The following MEI4 variants were observed in gnomAD, a reference collection of about 807,000 sequenced individuals.
The protein encoded by MEI4 is meiotic double-stranded break formation protein 4, also known as meiosis-specific protein MEI4.
Under a neutral mutation model 31.4 loss-of-function variants are expected in MEI4, and 27 were observed. The ratio of observed to expected loss-of-function variants is 0.86; its 90% CI spans 0.63 to 1.19. The LOEUF (loss-of-function observed/expected upper bound fraction) is 1.19. MEI4 is among the 50% of genes most tolerant of loss of function. The pLI is 0.00. For missense variants in MEI4, 329 were observed against 398.9 expected (o/e 0.82, Z 1.49); for synonymous variants, 122 against 145.4 (o/e 0.84, Z 1.16).
intron 2 of MEI4, among the ~76,000 whole-genome samples, chr6:77,743,566 A>G (rs1767482565): frequency 6.6e-6 from 1 of 152,144 alleles, no homozygotes; most frequent in South Asian, 2.1e-4. Flanking sequence ...GTCATCTGCA[A>G]ACAGGGACTT....
At chr6:77,655,353 C>G (rs1768374400) in intron 1 of MEI4, among the ~76,000 whole-genome samples, 1 of 152,184 alleles carries the variant, frequency 6.6e-6, no homozygotes, top group Non-Finnish European at 1.5e-5. Context: ...GTAAACAGTG[C>G]TGCAATGAGC....
At chr6:77,919,435 G>C (rs1379363390) in intron 4 of MEI4, among the ~76,000 whole-genome samples, 1 of 152,028 alleles carries the variant, frequency 6.6e-6, no homozygotes, top group Non-Finnish European at 1.5e-5. Context: ...AAATAAAGAT[G>C]TTCTTTGAAA....
intron 2 of MEI4, among the ~76,000 whole-genome samples, chr6:77,726,969 T>G (rs772141165): frequency 6.6e-6 from 1 of 152,252 alleles, no homozygotes; most frequent in Non-Finnish European, 1.5e-5. Flanking sequence ...ATTTAATTAC[T>G]TTGTTCTTTA....
At chr6:77,782,899 G>A (rs1768629683) in intron 3 of MEI4, among the ~76,000 whole-genome samples, 1 of 152,130 alleles carries the variant, frequency 6.6e-6, no homozygotes, top group African/African-American at 2.4e-5. Context: ...AGTAAGTATA[G>A]CACTACAGTA....
chr6:77,795,766 G>GAA (rs71774242), intron 3 of MEI4, among the ~76,000 whole-genome samples: 13,818 of 143,602 alleles, frequency 0.096, 927 homozygotes, highest in East Asian at 0.29. Context: ...GATTGCATTG[G>GAA]AAAAAAAAAA....
intron 2 of MEI4, among the ~76,000 whole-genome samples, chr6:77,692,836 G>C (rs1769183368): frequency 6.6e-6 from 1 of 152,042 alleles, no homozygotes; most frequent in South Asian, 2.1e-4. Context: ...GGATTACCTA[G>C]AAGGAAGGTG....
intron 3 of MEI4, among the ~76,000 whole-genome samples, chr6:77,787,017 G>C (rs948611559): frequency 2.0e-5 from 3 of 152,180 alleles, no homozygotes; most frequent in Admixed American, 1.3e-4. Flanking sequence ...ACGCACAGCA[G>C]ATTCTGAAAT....
At chr6:77,872,442 C>G (rs1348317959) in intron 4 of MEI4, among the ~76,000 whole-genome samples, 2 of 152,026 alleles carry the variant, frequency 1.3e-5, no homozygotes. Flanking sequence ...AACAACTTAA[C>G]AAAACCCAGC....
In MEI4 at chr6:77,868,502, CATATAT is replaced by C. The variant is rs58946198; in HGVS notation, c.900+39461_900+39466del. Among the ~76,000 whole-genome samples, 15 of 90,066 alleles carry C rather than the reference CATATAT, an allele frequency of 1.7e-4. 1 individual carries two copies. The highest frequency in any genetic ancestry group is 2.7e-4 in the Non-Finnish European group (12 of 43,682). The allele number at this position is 90,066 out of a possible 152,430, so 59.1% of individuals were successfully genotyped here. On this transcript the variant is annotated intron_variant, in intron 4 of 4. Coordinates refer to ENST00000684080, the MANE Select transcript of MEI4 (RefSeq NM_001322247.2). ...AAAAACTTCCATGTAAAAAATACTA[CATATAT>C]ATATATATATATATATATATGCAGA...
chr6:77,829,672 T>C (rs1191007859), intron 4 of MEI4, among the ~76,000 whole-genome samples: 1 of 152,120 alleles, frequency 6.6e-6, no homozygotes, highest in Non-Finnish European at 1.5e-5. Context: ...GGAACATAAG[T>C]CATTCCCATA....
chr6:77,656,840 TTGA>T (rs138908977), intron 1 of MEI4, among the ~76,000 whole-genome samples: 11,926 of 152,270 alleles, frequency 0.078, 609 homozygotes, highest in Middle Eastern at 0.13. Context: ...CATCATTTAT[TTGA>T]TGATTACTAG....
intron 3 of MEI4, among the ~76,000 whole-genome samples, chr6:77,774,239 A>C (rs1193256285): frequency 6.6e-6 from 1 of 152,092 alleles, no homozygotes; most frequent in South Asian, 2.1e-4. Context: ...TATTCACAAT[A>C]GCTAAAACTG....
chr6:77,748,146 G>A (rs1255316761), intron 2 of MEI4, among the ~76,000 whole-genome samples: 2 of 152,130 alleles, frequency 1.3e-5, no homozygotes, highest in Non-Finnish European at 2.9e-5. Context: ...GGGATCTGGG[G>A]GACAGTAGCC....
intron 4 of MEI4, among the ~76,000 whole-genome samples, chr6:77,880,332 G>A (rs977516339): frequency 7.3e-5 from 11 of 151,330 alleles, no homozygotes; most frequent in Non-Finnish European, 8.8e-5. Flanking sequence ...CCGGGCTCAC[G>A]CCATTCTCCT....
chr6:77,695,343 C>G (rs906907732), intron 2 of MEI4, among the ~76,000 whole-genome samples: 13 of 149,392 alleles, frequency 8.7e-5, no homozygotes, highest in African/African-American at 3.2e-4. Context: ...TTGCCCATGC[C>G]TATGTCCTGA....
chr6:77,794,127 T>C (rs1459018435), intron 3 of MEI4, among the ~76,000 whole-genome samples: 1 of 152,042 alleles, frequency 6.6e-6, no homozygotes, highest in Non-Finnish European at 1.5e-5. Flanking sequence ...ATTCAGATAG[T>C]AAATAAAGGA....
At chr6:77,657,623 C>T (rs1240862713) in intron 1 of MEI4, among the ~76,000 whole-genome samples, 1 of 151,844 alleles carries the variant, frequency 6.6e-6, no homozygotes, top group Non-Finnish European at 1.5e-5. Context: ...CTCATCCACT[C>T]TGAAGGCTGC....
chr6:77,896,432 A>G (rs1056251643), intron 4 of MEI4, among the ~76,000 whole-genome samples: 2 of 152,136 alleles, frequency 1.3e-5, no homozygotes, highest in Non-Finnish European at 2.9e-5. Flanking sequence ...TCAGAAAATC[A>G]CATCAACTTT....
At chr6:77,716,259 A>G (rs775741764) in intron 2 of MEI4, among the ~76,000 whole-genome samples, 1 of 152,210 alleles carries the variant, frequency 6.6e-6, no homozygotes, top group Non-Finnish European at 1.5e-5. Context: ...CTTGAAGAGA[A>G]GCATTTAAAT....
Sources: allele counts gnomAD v4.1 joint callset (sites outside exome capture counted in the v4.1 genomes callset), GRCh38; gene constraint gnomAD v4.1.1; transcripts MANE v1.5; gene names NCBI Gene and HGNC (gene_info 2026-07-23, HGNC 2026-07-21).